Variants in OR6C4 observed in about 807,000 individuals in gnomAD.
OR6C4 encodes the protein olfactory receptor 6C4.
In OR6C4, 20 loss-of-function variants were observed where a neutral mutation model predicts 15.1. The observed-to-expected ratio is 1.32, with a 90% confidence interval of 0.93 to 1.92. The LOEUF is 1.92. OR6C4 is among the 30% of genes most tolerant of loss of function. OR6C4 has a pLI of 0.00. For synonymous variants in OR6C4, 179 were observed against 134.2 expected (o/e 1.33, Z -2.31); for missense variants, 491 against 363.2 (o/e 1.35, Z -2.86).
At position 55,552,892 on chromosome 12, in the gene OR6C4, G is replaced by T. The variant is rs1024993533; in HGVS notation, c.*736G>T. On this transcript the variant is annotated 3_prime_UTR_variant, in exon 2 of 2. Coordinates refer to ENST00000641569, the MANE Select transcript of OR6C4 (RefSeq NM_001005494.2). ...TTCATTCTCCTAGACAAAATCTATT[G>T]TTTCTTTTCTTAGGTGACATTTTAA... is the stretch of plus-strand genomic sequence containing the variant. 1 of 151,944 alleles carries T rather than the reference G, an allele frequency of 6.6e-6. No homozygotes were observed. Among genetic ancestry groups the T allele is most frequent in the Non-Finnish European group, 1.5e-5 (1 of 67,932 alleles). 9.4% of individuals were successfully genotyped at this position (151,944 alleles called of 1,614,324 possible).
Position 55,552,085 on chromosome 12 carries a change from A to G in OR6C4, c.859A>G (p.Ile287Val), listed in dbSNP as rs755399313. Residue 287 changes from isoleucine to valine, a missense_variant, in exon 2 of 2, where the codon ATA (isoleucine) becomes GTA (valine). Physicochemically the swap from Ile to Val is conservative, Grantham distance 29. Transcript: ENST00000641569. ...GGTTACTCCCTTACTGAATCCCTTC[A>G]TATATACTTTAAGAAATCAGCAAGT... ...TSVTPLLNPFIYTLRNQQVKQ... is the reference protein window; with the variant it reads ...TSVTPLLNPFVYTLRNQQVKQ... 2.5e-6 allele frequency: 4 copies of G among 1,610,694 alleles called. No homozygotes were observed. In the South Asian group the frequency reaches 3.3e-5, roughly 13 times the overall value.
chr12:55,551,817 C>T lies in OR6C4; in HGVS notation c.591C>T (p.Val197=). ...ACACAAGCCTCTTAGAACTGATGGT[C>T]ATCCTCTTGGCCGTTGTGACTCTCA... The part of the protein sequence containing the change: ...CSDTSLLELM[V]ILLAVVTLMV... Residue 197 remains valine, a synonymous_variant, in exon 2 of 2, where the codon GTC becomes GTT. Transcript: ENST00000641569. 6.2e-7 allele frequency: 1 copy of T among 1,613,846 alleles called. No homozygotes were observed. The highest frequency in any genetic ancestry group is 8.5e-7 in the Non-Finnish European group (1 of 1,179,880).
intron 1 of OR6C4, 103 bp downstream of exon 1, chr12:55,550,221 T>C (rs1029703176): frequency 6.6e-6 from 1 of 152,204 alleles, no homozygotes; most frequent in African/African-American, 2.4e-5. Context: ...TTTAATAACA[T>C]AATTTTTCTA....
chr12:55,551,191 C>T lies in OR6C4; in HGVS notation c.-18-18C>T, dbSNP rs775990373. 5 of 1,425,136 alleles carry T rather than the reference C, an allele frequency of 3.5e-6. No homozygotes were observed. The highest frequency in any genetic ancestry group is 4.9e-6 in the Non-Finnish European group (5 of 1,022,532). 88.3% of individuals were successfully genotyped at this position (1,425,136 alleles called of 1,614,324 possible). A position where few individuals can be genotyped will look rare whatever the true frequency, so the allele number is the denominator to read the frequency against. ...AAGAAACTCTTCAATTTTCATCATT[C>T]TCACCTTTTGCCTTTAGGTTTTCCG... On this transcript the variant is annotated intron_variant, in intron 1 of 1. Transcript: ENST00000641569.
Position 55,552,189 on chromosome 12 carries a change from C to A in OR6C4, c.*33C>A, listed in dbSNP as rs778020899. 2 of 1,447,244 alleles carry A rather than the reference C, an allele frequency of 1.4e-6. No individual in the cohort carries two copies. The highest frequency in any genetic ancestry group is 1.9e-6 in the Non-Finnish European group (2 of 1,060,238). 89.7% of individuals were successfully genotyped at this position (1,447,244 alleles called of 1,614,324 possible). A position where few individuals can be genotyped will look rare whatever the true frequency, so the allele number is the denominator to read the frequency against. The stretch of plus-strand genomic sequence containing the variant: ...GATTACACTTCAAAATACATTTTCA[C>A]TTAACAAATATGCATTGAATGTCTA... On this transcript the variant is annotated 3_prime_UTR_variant, in exon 2 of 2. Coordinates refer to ENST00000641569, the MANE Select transcript of OR6C4 (RefSeq NM_001005494.2).
rs1367721750 is a variant in OR6C4 at position 55,554,318 on chromosome 12, T to A, written c.*2162T>A. On this transcript the variant is annotated 3_prime_UTR_variant, in exon 2 of 2. Coordinates refer to ENST00000641569, the MANE Select transcript of OR6C4 (RefSeq NM_001005494.2). ...GGAAGGTACTTTGTGTAAGTTAATG[T>A]TTAAGATCACTAGGCAAGAGTTCAC... 6.6e-6 allele frequency: 1 copy of A among 152,146 alleles called. No homozygotes were observed. The highest frequency in any genetic ancestry group is 1.5e-5 in the Non-Finnish European group (1 of 68,026). The allele number at this position is 152,146 out of a possible 1,614,324, so 9.4% of individuals were successfully genotyped here. A position where few individuals can be genotyped will look rare whatever the true frequency, so the allele number is the denominator to read the frequency against.
chr12:55,554,428 CA>C lies in OR6C4; in HGVS notation c.*2274del, dbSNP rs2135869567. 1 of 150,602 alleles carries C rather than the reference CA, an allele frequency of 6.6e-6. No homozygotes were observed. The highest frequency in any genetic ancestry group is 2.1e-4 in the South Asian group (1 of 4,788). The allele number at this position is 150,602 out of a possible 1,614,324, so 9.3% of individuals were successfully genotyped here. A position where few individuals can be genotyped will look rare whatever the true frequency, so the allele number is the denominator to read the frequency against. ...AATGAGCTTGTCAAAAAAAAAAAAG[CA>C]AGTCATATTCTTCTAAAGCTGTTCA... is the stretch of plus-strand genomic sequence containing the variant. On this transcript the variant is annotated 3_prime_UTR_variant, in exon 2 of 2. Transcript: ENST00000641569.
chr12:55,552,315 T>C lies in OR6C4; in HGVS notation c.*159T>C. 1 of 513,842 alleles carries C rather than the reference T, an allele frequency of 1.9e-6. No individual in the cohort carries two copies. Among genetic ancestry groups the C allele is most frequent in the South Asian group, 3.3e-5 (1 of 30,460 alleles). The allele number at this position is 513,842 out of a possible 1,614,324, so 31.8% of individuals were successfully genotyped here. A position where few individuals can be genotyped will look rare whatever the true frequency, so the allele number is the denominator to read the frequency against. On this transcript the variant is annotated 3_prime_UTR_variant, in exon 2 of 2. Transcript: ENST00000641569. Reference sequence around the variant, plus strand: ...CTAGAATCAAGGAAAGATATATAAATGGTAAATTTATGTAATAAATTTACA... The same window carrying C: ...CTAGAATCAAGGAAAGATATATAAACGGTAAATTTATGTAATAAATTTACA...
At chr12:55,550,296 T>C (rs1873821278) in intron 1 of OR6C4, among the ~76,000 whole-genome samples, 178 bp downstream of exon 1, 1 of 152,182 alleles carries the variant, frequency 6.6e-6, no homozygotes, top group African/African-American at 2.4e-5. Context: ...CAGAAAAATC[T>C]AAAGATGCAC....
Position 55,552,305 on chromosome 12 carries a change from G to C in OR6C4, c.*149G>C. 1.9e-6 allele frequency: 1 copy of C among 518,842 alleles called. No homozygotes were observed. Among genetic ancestry groups the C allele is most frequent in the Non-Finnish European group, 3.3e-6 (1 of 302,318 alleles). 32.1% of individuals were successfully genotyped at this position (518,842 alleles called of 1,614,324 possible). A position where few individuals can be genotyped will look rare whatever the true frequency, so the allele number is the denominator to read the frequency against. On this transcript the variant is annotated 3_prime_UTR_variant, in exon 2 of 2. Transcript: ENST00000641569. ...AAACTATAGTCTAGAATCAAGGAAA[G>C]ATATATAAATGGTAAATTTATGTAA...
chr12:55,552,133 G>C lies in OR6C4; in HGVS notation c.907G>C (p.Val303Leu). ...AGTGAAACAAGCTTTCAAGGACTCA[G>C]TCAAAAAGATTGTGAAACTTTAAAA... is the stretch of plus-strand genomic sequence containing the variant. The part of the protein sequence containing the change: ...QQVKQAFKDS[V>L]KKIVKL Residue 303 changes from valine (V) to leucine (L), a missense_variant, in exon 2 of 2, where the codon GTC (valine) becomes CTC (leucine). Physicochemically the swap from Val to Leu is conservative, Grantham distance 32. Coordinates refer to ENST00000641569, the MANE Select transcript of OR6C4 (RefSeq NM_001005494.2). 2 of 1,595,676 alleles carry C rather than the reference G, an allele frequency of 1.3e-6. No individual in the cohort carries two copies. The highest frequency in any genetic ancestry group is 1.2e-5 in the South Asian group (1 of 86,654).
rs1873896159 is a variant in OR6C4 at position 55,552,262 on chromosome 12, T to C, written c.*106T>C. ...CTTGAAGATTAAAATAGGAAAAGTATATGTCTTAATTTCAAGAAAACTATA... is the reference window on the plus strand; with the variant it reads ...CTTGAAGATTAAAATAGGAAAAGTACATGTCTTAATTTCAAGAAAACTATA... On this transcript the variant is annotated 3_prime_UTR_variant, in exon 2 of 2. Transcript: ENST00000641569. 1.5e-6 allele frequency: 1 copy of C among 678,138 alleles called. No homozygotes were observed. The highest frequency in any genetic ancestry group is 2.4e-6 in the Non-Finnish European group (1 of 412,368). The allele number at this position is 678,138 out of a possible 1,614,324, so 42.0% of individuals were successfully genotyped here.
Position 55,551,533 on chromosome 12 carries a change from A to C in OR6C4, c.307A>C (p.Ile103Leu). ...CTGCTTGACTCAGTATTTTTTTGCTATATTTCTTGGAGCTACCGAGTTTTA... is the reference window on the plus strand; with the variant it reads ...CTGCTTGACTCAGTATTTTTTTGCTCTATTTCTTGGAGCTACCGAGTTTTA... The part of the protein sequence containing the change: ...AGCLTQYFFA[I>L]FLGATEFYLL... The change falls in exon 2 of 2, where the codon ATA (isoleucine) becomes CTA (leucine). Residue 103 changes from isoleucine (I) to leucine (L), a missense_variant. Physicochemically the swap from Ile to Leu is conservative, Grantham distance 5 (BLOSUM62 2). Coordinates refer to ENST00000641569, the MANE Select transcript of OR6C4 (RefSeq NM_001005494.2). 1.2e-6 allele frequency: 2 copies of C among 1,613,766 alleles called. No homozygotes were observed. Among genetic ancestry groups the C allele is most frequent in the Non-Finnish European group, 8.5e-7 (1 of 1,179,890 alleles).
At position 55,552,100 on chromosome 12, in the gene OR6C4, A is replaced by G. The variant is rs747133538; in HGVS notation, c.874A>G (p.Asn292Asp). 2 of 1,608,940 alleles carry G rather than the reference A, an allele frequency of 1.2e-6. No individual in the cohort carries two copies. Among genetic ancestry groups the G allele is most frequent in the Admixed American group, 3.4e-5 (2 of 58,688 alleles). Residue 292 changes from asparagine (N) to aspartate (D), a missense_variant, in exon 2 of 2, where the codon AAT (asparagine) becomes GAT (aspartate). Transcript: ENST00000641569. ...LLNPFIYTLR[N>D]QQVKQAFKDS... ...GAATCCCTTCATATATACTTTAAGA[A>G]ATCAGCAAGTGAAACAAGCTTTCAA...
Position 55,554,854 on chromosome 12 carries a change from ATATTTTT to A in OR6C4, c.*2701_*2707del, listed in dbSNP as rs1873974375. 1 of 152,186 alleles carries A rather than the reference ATATTTTT, an allele frequency of 6.6e-6. No individual in the cohort carries two copies. Among genetic ancestry groups the A allele is most frequent in the Admixed American group, 6.5e-5 (1 of 15,268 alleles). The allele number at this position is 152,186 out of a possible 1,614,324, so 9.4% of individuals were successfully genotyped here. A position where few individuals can be genotyped will look rare whatever the true frequency, so the allele number is the denominator to read the frequency against. On this transcript the variant is annotated 3_prime_UTR_variant, in exon 2 of 2. Coordinates refer to ENST00000641569, the MANE Select transcript of OR6C4 (RefSeq NM_001005494.2). ...TAAATAAAATTCAAAACAATAAAAT[ATATTTTT>A]TAATTTTTTTTATTTCAGCCAGGAT...
rs886293322 is a variant in OR6C4 at position 55,552,744 on chromosome 12, G to A, written c.*588G>A. Reference sequence around the variant, plus strand: ...CTCCTTTCATAAGAGGAAAATGAAAGAATATATATTTAGTCTACTTTTCTC... The same window carrying A: ...CTCCTTTCATAAGAGGAAAATGAAAAAATATATATTTAGTCTACTTTTCTC... On this transcript the variant is annotated 3_prime_UTR_variant, in exon 2 of 2. Coordinates refer to ENST00000641569, the MANE Select transcript of OR6C4 (RefSeq NM_001005494.2). 2.6e-5 allele frequency: 4 copies of A among 151,988 alleles called. No individual in the cohort carries two copies. Among genetic ancestry groups the A allele is most frequent in the Non-Finnish European group, 4.4e-5 (3 of 67,962 alleles). 9.4% of individuals were successfully genotyped at this position (151,988 alleles called of 1,614,324 possible).
chr12:55,555,100 G>A lies in OR6C4; in HGVS notation c.*2944G>A, dbSNP rs1873981425. ...CAAATAAAAATACAAAAATCAGCCAGGCATGGTGATGCGTGCCTGTAATTC... is the reference window on the plus strand; with the variant it reads ...CAAATAAAAATACAAAAATCAGCCAAGCATGGTGATGCGTGCCTGTAATTC... On this transcript the variant is annotated 3_prime_UTR_variant, in exon 2 of 2. Coordinates refer to ENST00000641569, the MANE Select transcript of OR6C4 (RefSeq NM_001005494.2). 6.6e-6 allele frequency: 1 copy of A among 152,132 alleles called. No individual in the cohort carries two copies. The highest frequency in any genetic ancestry group is 2.4e-5 in the African/African-American group (1 of 41,434). The allele number at this position is 152,132 out of a possible 1,614,324, so 9.4% of individuals were successfully genotyped here. A position where few individuals can be genotyped will look rare whatever the true frequency, so the allele number is the denominator to read the frequency against.
In OR6C4 at chr12:55,555,643, T is replaced by A. The variant is rs1453087138; in HGVS notation, c.*3487T>A. ...AAATACAAAAATTAGCCTGGTGTGG[T>A]GGCACGTGCCTGTAGTTCCAGCTAC... On this transcript the variant is annotated 3_prime_UTR_variant, in exon 2 of 2. Coordinates refer to ENST00000641569, the MANE Select transcript of OR6C4 (RefSeq NM_001005494.2). The A allele has an allele frequency of 6.6e-6, 1 of 152,166 alleles. No individual in the cohort carries two copies. Among genetic ancestry groups the A allele is most frequent in the African/African-American group, 2.4e-5 (1 of 41,412 alleles). The allele number at this position is 152,166 out of a possible 1,614,324, so 9.4% of individuals were successfully genotyped here.
rs564273771 is a variant in OR6C4, at chr12:55,553,356, C to G, written c.*1200C>G. Reference sequence around the variant, plus strand: ...ATAATATCTTAAAAAATTGCAGGAGCTTTGTTACTATTTGGGGTAAAAGTG... The same window carrying G: ...ATAATATCTTAAAAAATTGCAGGAGGTTTGTTACTATTTGGGGTAAAAGTG... On this transcript the variant is annotated 3_prime_UTR_variant, in exon 2 of 2. Coordinates refer to ENST00000641569, the MANE Select transcript of OR6C4 (RefSeq NM_001005494.2). 1 of 151,828 alleles carries G rather than the reference C, an allele frequency of 6.6e-6. No homozygotes were observed. The highest frequency in any genetic ancestry group is 1.5e-5 in the Non-Finnish European group (1 of 67,936). 9.4% of individuals were successfully genotyped at this position (151,828 alleles called of 1,614,324 possible).
Sources: gnomAD v4.1 joint callset for allele counts (sites outside exome capture counted in the v4.1 genomes callset) on GRCh38, gnomAD v4.1.1 for gene constraint, MANE v1.5 for transcripts, NCBI Gene and HGNC (gene_info 2026-07-23, HGNC 2026-07-21) for gene names.